Variants in GREM2 observed in about 807,000 individuals in gnomAD.
GREM2 encodes the protein gremlin-2.
A neutral mutation model predicts 14.2 loss-of-function variants in GREM2; 11 were observed. That is an observed-to-expected ratio of 0.78 (90% CI 0.49 to 1.28). The LOEUF is 1.28. Ranked by LOEUF, GREM2 falls within the 50% of genes most tolerant of loss-of-function variation. The probability of loss-of-function intolerance (pLI) is 0.00; values close to 1 mark genes in which losing one functional copy is unlikely to be tolerated. For synonymous variants in GREM2, 98 were observed against 97.6 expected (o/e 1.00, Z -0.02); for missense variants, 210 against 218.5 (o/e 0.96, Z 0.24).
intron 1 of GREM2, among the ~76,000 whole-genome samples, chr1:240,570,114 T>C (rs1679232211): frequency 6.6e-6 from 1 of 152,176 alleles, no homozygotes; most frequent in Admixed American, 6.5e-5. Flanking sequence ...TTCATAGACA[T>C]TGAAATGTTT....
intron 1 of GREM2, among the ~76,000 whole-genome samples, chr1:240,497,295 T>A (rs1677448008): frequency 6.6e-6 from 1 of 151,062 alleles, no homozygotes; most frequent in African/African-American, 2.4e-5. Context: ...TGTGGGTACA[T>A]AATAGGTATA....
chr1:240,544,629 C>T (rs1340794873), intron 1 of GREM2, among the ~76,000 whole-genome samples: 3 of 152,132 alleles, frequency 2.0e-5, no homozygotes, highest in East Asian at 1.9e-4. Context: ...ATAAGAAAAA[C>T]GATTTCATTC....
intron 1 of GREM2, among the ~76,000 whole-genome samples, chr1:240,555,640 A>T (rs915787255): frequency 2.0e-5 from 3 of 152,250 alleles, no homozygotes; most frequent in African/African-American, 7.2e-5. Context: ...ACACTGGGGA[A>T]TGCTGGTATC....
At chr1:240,584,841 A>G (rs1384352959) in intron 1 of GREM2, among the ~76,000 whole-genome samples, 1 of 152,238 alleles carries the variant, frequency 6.6e-6, no homozygotes, top group Non-Finnish European at 1.5e-5. Context: ...TGAAAATACA[A>G]CACCATTTTC....
intron 1 of GREM2, among the ~76,000 whole-genome samples, chr1:240,516,367 T>C (rs996810229): frequency 6.6e-6 from 1 of 152,126 alleles, no homozygotes; most frequent in Non-Finnish European, 1.5e-5. Context: ...ATAGATTTGA[T>C]GTTGAAAATC....
At position 240,540,593 on chromosome 1, in the gene GREM2, T is replaced by C. The variant is rs886874972; in HGVS notation, c.-1-47117A>G. Among the ~76,000 whole-genome samples the C allele has an allele frequency of 6.6e-6, 1 of 151,432 alleles. No individual in the cohort carries two copies. Among genetic ancestry groups the C allele is most frequent in the Non-Finnish European group, 1.5e-5 (1 of 67,874 alleles). ...TTTTTTTTTTTTTTGAGATGGAGTC[T>C]CACTCTGTCGCCAGTTTGGAGTGCA... On this transcript the variant is annotated intron_variant, in intron 1 of 1. Transcript: ENST00000318160. This position sits in a 1 kb window ranked among gnomAD's most constrained non-coding sequence, Gnocchi z 4.2.
intron 1 of GREM2, among the ~76,000 whole-genome samples, chr1:240,507,108 A>G (rs1024968596): frequency 6.6e-6 from 1 of 152,200 alleles, no homozygotes; most frequent in Non-Finnish European, 1.5e-5. Flanking sequence ...ACAAGGAATA[A>G]AAGATGTCTG....
intron 1 of GREM2, among the ~76,000 whole-genome samples, chr1:240,501,502 T>G (rs1677568243): frequency 6.6e-6 from 1 of 152,234 alleles, no homozygotes; most frequent in Admixed American, 6.5e-5. Flanking sequence ...GAATTTGTAA[T>G]CAACGTTCTA....
At chr1:240,512,125 A>G (rs1677848054) in intron 1 of GREM2, among the ~76,000 whole-genome samples, 1 of 152,224 alleles carries the variant, frequency 6.6e-6, no homozygotes, top group Non-Finnish European at 1.5e-5. Flanking sequence ...TTGAAGATCC[A>G]GTTACCATTT....
chr1:240,491,379 G>A lies in GREM2; in HGVS notation c.*1590C>T, dbSNP rs1406193317. 6.6e-6 allele frequency: 1 copy of A among 152,610 alleles called. No homozygotes were observed. Among genetic ancestry groups the A allele is most frequent in the African/African-American group, 2.4e-5 (1 of 41,434 alleles). 9.5% of individuals were successfully genotyped at this position (152,610 alleles called of 1,614,324 possible). A position where few individuals can be genotyped will look rare whatever the true frequency, so the allele number is the denominator to read the frequency against. ...AGTTTACTGATTCCCACCAATGGCA[G>A]CTCATTCACATTTGTCAGATTCCAT... On this transcript the variant is annotated 3_prime_UTR_variant, in exon 2 of 2. Coordinates refer to ENST00000318160, the MANE Select transcript of GREM2 (RefSeq NM_022469.4).
In GREM2 at chr1:240,571,692, C is replaced by T. The variant is rs980056029; in HGVS notation, c.-2+40192G>A. ...CAGCCTGGGCAAGAAGAGTGAAACT[C>T]CATCGCAAAAAAAGAAAAAGAAAAA... On this transcript the variant is annotated intron_variant, in intron 1 of 1. Transcript: ENST00000318160. Among the ~76,000 whole-genome samples, 5 of 151,882 alleles carry T rather than the reference C, an allele frequency of 3.3e-5. No individual in the cohort carries two copies. In the South Asian group the frequency reaches 1.0e-3, roughly 32 times the overall value.
chr1:240,556,920 AG>A lies in GREM2; in HGVS notation c.-2+54963del, dbSNP rs1359728523. On this transcript the variant is annotated intron_variant, in intron 1 of 1. Transcript: ENST00000318160. Reference sequence around the variant, plus strand: ...GCGTGGTGGCTCAGGCTGTAATCCTAGCACTTTGGGAGGCCAAGGTGGGTGG... The same window carrying A: ...GCGTGGTGGCTCAGGCTGTAATCCTACACTTTGGGAGGCCAAGGTGGGTGG... Among the ~76,000 whole-genome samples the A allele has an allele frequency of 3.9e-5, 6 of 152,320 alleles. No homozygotes were observed. The East Asian group carries it at 1.2e-3, about 29-fold the overall frequency.
chr1:240,584,584 G>T (rs1408105009), intron 1 of GREM2, among the ~76,000 whole-genome samples: 1 of 151,718 alleles, frequency 6.6e-6, no homozygotes, highest in East Asian at 1.9e-4. Flanking sequence ...TGCACCTGTG[G>T]TCCTAGCCCT....
intron 1 of GREM2, among the ~76,000 whole-genome samples, chr1:240,510,794 T>C (rs1386911759): frequency 1.3e-5 from 2 of 152,236 alleles, no homozygotes; most frequent in Non-Finnish European, 2.9e-5. Context: ...GTGAAGGTTT[T>C]GTGATTATGC....
chr1:240,510,260 G>A (rs538950244), intron 1 of GREM2, among the ~76,000 whole-genome samples: 1 of 150,124 alleles, frequency 6.7e-6, no homozygotes, highest in African/African-American at 2.4e-5. Flanking sequence ...GTCCCAGCTA[G>A]TCGGGAGGCT....
chr1:240,610,074 C>T (rs566395224), intron 1 of GREM2, among the ~76,000 whole-genome samples: 11 of 152,218 alleles, frequency 7.2e-5, no homozygotes, highest in Non-Finnish European at 1.5e-4. Flanking sequence ...TAATCCGTCT[C>T]ACACTCACAA....
At chr1:240,518,988 C>A (rs543860703) in intron 1 of GREM2, among the ~76,000 whole-genome samples, 75 of 152,050 alleles carry the variant, frequency 4.9e-4, no homozygotes, top group African/African-American at 1.8e-3. Context: ...TCAATGGAAA[C>A]CAAATTTCAG....
chr1:240,568,641 G>A (rs928878269), intron 1 of GREM2, among the ~76,000 whole-genome samples: 1 of 152,076 alleles, frequency 6.6e-6, no homozygotes, highest in Non-Finnish European at 1.5e-5. Flanking sequence ...AGTATACCAT[G>A]CTAACACTAA....
At chr1:240,586,422 A>G (rs934017266) in intron 1 of GREM2, among the ~76,000 whole-genome samples, 33 of 152,322 alleles carry the variant, frequency 2.2e-4, no homozygotes, top group Admixed American at 1.7e-3. Flanking sequence ...GAGACTTCTC[A>G]CTGAGTGACC....
Sources: allele counts gnomAD v4.1 joint callset (sites outside exome capture counted in the v4.1 genomes callset), GRCh38; gene constraint gnomAD v4.1.1; non-coding constraint Gnocchi (gnomAD v3.1); transcripts MANE v1.5; gene names NCBI Gene and HGNC (gene_info 2026-07-23, HGNC 2026-07-21).